The following CTNNA2 variants were observed in gnomAD, a reference collection of about 807,000 sequenced individuals.
The protein encoded by CTNNA2 is catenin alpha 2.
CTNNA2 carries 42 observed loss-of-function variants against 101.0 expected under a neutral mutation model. That is an observed-to-expected ratio of 0.42 (90% CI 0.32 to 0.54). CTNNA2 has a LOEUF of 0.54. CTNNA2 is among the 20% of genes least tolerant of loss of function. The pLI, the probability that CTNNA2 is intolerant of heterozygous loss-of-function variation, is 0.14. For missense variants in CTNNA2, 871 were observed against 1,223.1 expected (o/e 0.71, Z 4.29); for synonymous variants, 450 against 456.4 (o/e 0.99, Z 0.18).
intron 18 of CTNNA2, among the ~76,000 whole-genome samples, chr2:80,642,821 T>C (rs796583038): frequency 5.3e-5 from 8 of 152,262 alleles, no homozygotes; most frequent in African/African-American, 1.9e-4. Flanking sequence ...GCACAAATAT[T>C]GATAAATGGA....
rs183201141 is a variant in CTNNA2 at position 80,339,945 on chromosome 2, C to T, written c.1057-53266C>T. Reference sequence around the variant, plus strand: ...CCCAGACATTTTAATCTAAGAATGACGCCTTTACATTGGAACACCACCAAG... The same window carrying T: ...CCCAGACATTTTAATCTAAGAATGATGCCTTTACATTGGAACACCACCAAG... On this transcript the variant is annotated intron_variant, in intron 7 of 18. Coordinates refer to ENST00000402739, the MANE Select transcript of CTNNA2 (RefSeq NM_001282597.3). 2.5e-3 allele frequency among the ~76,000 whole-genome samples: 383 copies of T among 152,264 alleles called. 1 individual carries two copies. The highest frequency in any genetic ancestry group is 3.7e-3 in the African/African-American group (152 of 41,550).
At chr2:79,188,115 A>G (rs1333821763) in intron 1 of CTNNA2, among the ~76,000 whole-genome samples, 1 of 152,178 alleles carries the variant, frequency 6.6e-6, no homozygotes, top group Non-Finnish European at 1.5e-5. Context: ...TTTTATGGAT[A>G]TATGTATATT....
At chr2:80,145,740 C>T (rs571842782) in intron 7 of CTNNA2, among the ~76,000 whole-genome samples, 10 of 152,294 alleles carry the variant, frequency 6.6e-5, no homozygotes, top group African/African-American at 2.4e-4. Flanking sequence ...GGGTGGTTCC[C>T]ACAAAGGTTT....
At chr2:80,634,741 A>C (rs1489830033) in intron 18 of CTNNA2, among the ~76,000 whole-genome samples, 1 of 152,122 alleles carries the variant, frequency 6.6e-6, no homozygotes, top group African/African-American at 2.4e-5. Flanking sequence ...GATAAGAGTG[A>C]AGAAGATGAA....
intron 12 of CTNNA2, among the ~76,000 whole-genome samples, chr2:80,561,827 A>ATTTTTTTTTTTTTTTT (rs368503035): frequency 8.1e-6 from 1 of 123,578 alleles, no homozygotes; most frequent in Non-Finnish European, 1.7e-5. Flanking sequence ...CGCCTGGCTA[A>ATTTTTTTTTTTTTTTT]TTTTTTTTTT....
chr2:79,298,618 C>A (rs565080433), intron 2 of CTNNA2, among the ~76,000 whole-genome samples: 1 of 152,282 alleles, frequency 6.6e-6, no homozygotes, highest in African/African-American at 2.4e-5. Flanking sequence ...TAAGTTCTTT[C>A]CTTAATTCAC....
chr2:79,252,824 T>C (rs1449716367), intron 2 of CTNNA2, among the ~76,000 whole-genome samples: 1 of 152,154 alleles, frequency 6.6e-6, no homozygotes, highest in Non-Finnish European at 1.5e-5. Flanking sequence ...ACTGTTTTTT[T>C]TTTTAGTGGA....
At chr2:80,576,447 C>A (rs939446477) in intron 13 of CTNNA2, 2 of 147,736 alleles carry the variant, frequency 1.4e-5, no homozygotes, top group Non-Finnish European at 3.0e-5. Flanking sequence ...TTCTGATTAT[C>A]CCCACAAAGT....
chr2:80,226,748 G>T (rs987433391), intron 7 of CTNNA2, among the ~76,000 whole-genome samples: 12 of 152,186 alleles, frequency 7.9e-5, no homozygotes, highest in Non-Finnish European at 1.6e-4. Context: ...CATGACTCTG[G>T]GGGCCAAAGG....
chr2:79,858,125 A>G lies in CTNNA2; in HGVS notation c.411A>G (p.Leu137=). 6.2e-7 allele frequency: 1 copy of G among 1,614,062 alleles called. No homozygotes were observed. Among genetic ancestry groups the G allele is most frequent in the Non-Finnish European group, 8.5e-7 (1 of 1,179,944 alleles). ...ARALLSAVTR[L]LILADMADVM... is the part of the protein sequence containing the mutation. ...CTTTGCTCTCCGCGGTGACACGCTT[A>G]CTCATCCTGGCGGACATGGCAGATG... The change falls in exon 4 of 19, where the codon TTA becomes TTG. Residue 137 remains leucine (L), a synonymous_variant. Coordinates refer to ENST00000402739, the MANE Select transcript of CTNNA2 (RefSeq NM_001282597.3).
chr2:79,444,261 A>G (rs1007492302), intron 4 of CTNNA2, among the ~76,000 whole-genome samples: 4 of 152,182 alleles, frequency 2.6e-5, no homozygotes, highest in Non-Finnish European at 5.9e-5. Flanking sequence ...TCTCAGCACA[A>G]TAGATAACTA....
intron 2 of CTNNA2, among the ~76,000 whole-genome samples, chr2:79,310,217 A>T (rs1367493932): frequency 1.3e-5 from 2 of 152,222 alleles, no homozygotes; most frequent in Non-Finnish European, 2.9e-5. Context: ...TCACTGTATT[A>T]GTCGGAACTT....
intron 3 of CTNNA2, among the ~76,000 whole-genome samples, chr2:79,752,992 A>C (rs1310215389): frequency 6.6e-6 from 1 of 152,218 alleles, no homozygotes; most frequent in Non-Finnish European, 1.5e-5. Context: ...AAGTAAGAGC[A>C]AAAGCAGATT....
At chr2:79,961,190 T>C (rs1403249300) in intron 7 of CTNNA2, among the ~76,000 whole-genome samples, 1 of 152,210 alleles carries the variant, frequency 6.6e-6, no homozygotes, top group African/African-American at 2.4e-5. Context: ...AGGCTCCCCA[T>C]AGTATAATGT....
chr2:80,076,475 A>T (rs977753103), intron 7 of CTNNA2, among the ~76,000 whole-genome samples: 1 of 151,464 alleles, frequency 6.6e-6, no homozygotes, highest in African/African-American at 2.4e-5. Context: ...TAAAACAGAG[A>T]TCTCACTATG....
intron 3 of CTNNA2, chr2:79,373,754 G>A (rs952635725): frequency 1.3e-5 from 2 of 152,240 alleles, no homozygotes; most frequent in Non-Finnish European, 2.9e-5. Context: ...GTGCTTTATG[G>A]TGTCTAATCA....
chr2:80,555,345 C>G (rs1421262696), intron 11 of CTNNA2, among the ~76,000 whole-genome samples: 1 of 152,120 alleles, frequency 6.6e-6, no homozygotes, highest in East Asian at 1.9e-4. Flanking sequence ...AAGGGATATT[C>G]TTTAAGTCAG....
intron 7 of CTNNA2, among the ~76,000 whole-genome samples, chr2:80,327,839 T>C (rs772562740): frequency 2.6e-5 from 4 of 152,252 alleles, no homozygotes; most frequent in Non-Finnish European, 5.9e-5. Context: ...TGCCCAAGAC[T>C]TCCTTCTTTC....
intron 7 of CTNNA2, among the ~76,000 whole-genome samples, chr2:80,121,039 G>C (rs370573743): frequency 1.3e-5 from 2 of 152,112 alleles, no homozygotes; most frequent in Middle Eastern, 3.2e-3. Context: ...AAAAGGTATG[G>C]CTTTGCGTTT....
Sources: gnomAD v4.1 joint callset for allele counts (sites outside exome capture counted in the v4.1 genomes callset) on GRCh38, gnomAD v4.1.1 for gene constraint, MANE v1.5 for transcripts, NCBI Gene and HGNC (gene_info 2026-07-23, HGNC 2026-07-21) for gene names.